Variants in DENND5B observed in about 807,000 individuals in gnomAD.
DENND5B encodes DENN domain-containing protein 5B.
Under a neutral mutation model 140.6 loss-of-function variants are expected in DENND5B, and 34 were observed. The ratio of observed to expected loss-of-function variants is 0.24; its 90% CI spans 0.18 to 0.32. DENND5B has a LOEUF of 0.32. Among genes scored for constraint, DENND5B ranks in the 10% least tolerant of loss-of-function variants. DENND5B has a pLI of 1.00. For synonymous variants in DENND5B, 551 were observed against 562.1 expected, an observed-to-expected ratio of 0.98 and a Z score of 0.28; for missense variants, 1,142 against 1,560.2, an observed-to-expected ratio of 0.73 and a Z score of 4.52.
intron 1 of DENND5B, among the ~76,000 whole-genome samples, chr12:31,577,624 C>T (rs1016717160): frequency 2.8e-5 from 4 of 141,274 alleles, no homozygotes; most frequent in East Asian, 2.1e-4. Flanking sequence ...GACAGGAGAA[C>T]GGCGTGAACC....
intron 1 of DENND5B, among the ~76,000 whole-genome samples, chr12:31,543,929 G>C (rs1403045422): frequency 6.6e-6 from 1 of 152,184 alleles, no homozygotes; most frequent in Non-Finnish European, 1.5e-5. Flanking sequence ...AGCACTTTGG[G>C]AGGCCAGCCA....
At chr12:31,416,491 T>C (rs1051894524) in intron 11 of DENND5B, among the ~76,000 whole-genome samples, 1 of 151,440 alleles carries the variant, frequency 6.6e-6, no homozygotes, top group Non-Finnish European at 1.5e-5. Flanking sequence ...CTCGAACTCC[T>C]TAACTCAAGT....
Position 31,426,426 on chromosome 12 carries a change from T to TA in DENND5B, c.2107-3dup, listed in dbSNP as rs1400706488. ...ACTTCGTGCCTCTTGCATATATTTC[T>TA]AAAAAATCAAGGAGTATTTTTAATG... On this transcript the variant is annotated splice_region_variant and splice_polypyrimidine_tract_variant and intron_variant, in intron 8 of 20. Coordinates refer to ENST00000389082, the MANE Select transcript of DENND5B (RefSeq NM_144973.4). The TA allele has an allele frequency of 3.7e-6, 6 of 1,607,546 alleles. No homozygotes were observed. The Admixed American group carries it at 5.1e-5, about 14-fold the overall frequency.
At chr12:31,464,530 T>C (rs1945167654) in intron 3 of DENND5B, among the ~76,000 whole-genome samples, 3 of 152,130 alleles carry the variant, frequency 2.0e-5, no homozygotes, top group Admixed American at 2.0e-4. Flanking sequence ...TACCCCATCA[T>C]CTCCTAGAGA....
intron 1 of DENND5B, among the ~76,000 whole-genome samples, chr12:31,584,957 A>T (rs1019185911): frequency 2.6e-5 from 4 of 152,128 alleles, no homozygotes; most frequent in Non-Finnish European, 5.9e-5. Flanking sequence ...TCATGGCAGA[A>T]GGCTAGCCAA....
chr12:31,508,922 A>T (rs962985736), intron 1 of DENND5B, among the ~76,000 whole-genome samples: 3 of 152,170 alleles, frequency 2.0e-5, no homozygotes, highest in African/African-American at 7.2e-5. Context: ...CTTTTTTGAA[A>T]TAGAAAAAAG....
chr12:31,581,013 G>T (rs1419355189), intron 1 of DENND5B, among the ~76,000 whole-genome samples: 1 of 152,176 alleles, frequency 6.6e-6, no homozygotes, highest in Non-Finnish European at 1.5e-5. Context: ...GCTGAGGTAG[G>T]AGGATCACTT....
chr12:31,589,897 C>G (rs1211741317), intron 1 of DENND5B: 1 of 152,326 alleles, frequency 6.6e-6, no homozygotes, highest in Non-Finnish European at 1.5e-5. Context: ...CCCCTTTTAA[C>G]GGCGTCGTTT....
At chr12:31,542,186 G>A (rs949857176) in intron 1 of DENND5B, among the ~76,000 whole-genome samples, 4 of 151,998 alleles carry the variant, frequency 2.6e-5, no homozygotes, top group Admixed American at 6.6e-5. Context: ...TACTCAGGAG[G>A]CTGAGGCAGG....
At chr12:31,527,543 G>A (rs1948127118) in intron 1 of DENND5B, among the ~76,000 whole-genome samples, 1 of 152,162 alleles carries the variant, frequency 6.6e-6, no homozygotes. Flanking sequence ...ACTTTGGGAG[G>A]CCGAGGCGGG....
intron 3 of DENND5B, among the ~76,000 whole-genome samples, chr12:31,474,423 G>GGTC (rs1945698507): frequency 6.6e-6 from 1 of 152,096 alleles, no homozygotes; most frequent in African/African-American, 2.4e-5. Context: ...TCTGATCTGG[G>GGTC]GTCCTAGAAA....
intron 19 of DENND5B, among the ~76,000 whole-genome samples, chr12:31,391,784 C>G (rs1183498797): frequency 2.0e-5 from 3 of 151,998 alleles, no homozygotes; most frequent in African/African-American, 7.2e-5. Flanking sequence ...CCTCAGCCTC[C>G]CAGGTAGCTG....
At chr12:31,450,378 G>T (rs1011697643) in intron 5 of DENND5B, among the ~76,000 whole-genome samples, 1 of 151,034 alleles carries the variant, frequency 6.6e-6, no homozygotes, top group African/African-American at 2.4e-5. Flanking sequence ...TTGTTTTTTT[G>T]AGACAGGGTC....
intron 2 of DENND5B, among the ~76,000 whole-genome samples, chr12:31,494,060 A>G (rs1044415806): frequency 5.9e-5 from 9 of 152,138 alleles, no homozygotes; most frequent in Admixed American, 1.3e-4. Flanking sequence ...GCTTCTAAGA[A>G]GAGCCCTTCC....
chr12:31,568,090 T>C (rs536973201), intron 1 of DENND5B, among the ~76,000 whole-genome samples: 1 of 152,160 alleles, frequency 6.6e-6, no homozygotes, highest in Non-Finnish European at 1.5e-5. Flanking sequence ...TCCAGAAATA[T>C]GAAATGCTCC....
At chr12:31,488,603 G>T (rs1016286842) in intron 2 of DENND5B, among the ~76,000 whole-genome samples, 2 of 152,040 alleles carry the variant, frequency 1.3e-5, no homozygotes, top group Admixed American at 1.3e-4. Flanking sequence ...TATCTAATCG[G>T]GAAACATGAA....
At chr12:31,535,530 C>T (rs190597297) in intron 1 of DENND5B, among the ~76,000 whole-genome samples, 40 of 152,272 alleles carry the variant, frequency 2.6e-4, no homozygotes, top group African/African-American at 9.1e-4. Context: ...AGAATTCATC[C>T]AGGTCTTATC....
chr12:31,382,735 G>C lies in DENND5B; in HGVS notation c.*4868C>G, dbSNP rs1940683132. 1 of 151,264 alleles carries C rather than the reference G, an allele frequency of 6.6e-6. No homozygotes were observed. The highest frequency in any genetic ancestry group is 6.6e-5 in the Admixed American group (1 of 15,126). 9.4% of individuals were successfully genotyped at this position (151,264 alleles called of 1,614,324 possible). On this transcript the variant is annotated 3_prime_UTR_variant, in exon 21 of 21. Coordinates refer to ENST00000389082, the MANE Select transcript of DENND5B (RefSeq NM_144973.4). ...TTTGAGGTTTTTTTTTTTTCCTCTA[G>C]CTTGATGTGATATATCTCTGAAGTC...
At chr12:31,466,054 G>T (rs1474643023) in intron 3 of DENND5B, among the ~76,000 whole-genome samples, 1 of 152,172 alleles carries the variant, frequency 6.6e-6, no homozygotes, top group South Asian at 2.1e-4. Flanking sequence ...ATGCAGCACA[G>T]AGACACACAG....
Sources: gnomAD v4.1 joint callset for allele counts (sites outside exome capture counted in the v4.1 genomes callset) on GRCh38, gnomAD v4.1.1 for gene constraint, MANE v1.5 for transcripts, NCBI Gene and HGNC (gene_info 2026-07-23, HGNC 2026-07-21) for gene names.